RGPD3: variants seen among roughly 807,000 people sequenced by gnomAD.
RGPD3 encodes RANBP2 like and GRIP domain containing 3, also known as ranBP2-like and GRIP domain-containing protein 3.
A neutral mutation model predicts 154.5 loss-of-function variants in RGPD3; 62 were observed. The ratio of observed to expected loss-of-function variants is 0.40; its 90% CI spans 0.33 to 0.50. The LOEUF (loss-of-function observed/expected upper bound fraction) is 0.50. RGPD3 is among the 20% of genes least tolerant of loss of function. The pLI is 0.59. For missense variants in RGPD3, 919 were observed against 1,716.8 expected, an observed-to-expected ratio of 0.54 and a Z score of 8.21; for synonymous variants, 308 against 607.0, an observed-to-expected ratio of 0.51 and a Z score of 7.24.
At chr2:106,434,090 G>A (rs1677460289) in intron 15 of RGPD3, 138 bp downstream of exon 15, 1 of 1,344,480 alleles carries the variant, frequency 7.4e-7, no homozygotes, top group African/African-American at 1.5e-5. Context: ...TAAGCATTTA[G>A]ACACACACAT....
intron 20 of RGPD3, among the ~76,000 whole-genome samples, chr2:106,417,853 G>A (rs1676863433): frequency 6.6e-6 from 1 of 151,024 alleles, no homozygotes; most frequent in African/African-American, 2.5e-5. Context: ...ATCAAGGCCG[G>A]GCGTGGTGGC....
intron 21 of RGPD3, among the ~76,000 whole-genome samples, chr2:106,414,365 T>C (rs1676757877): frequency 6.6e-6 from 1 of 152,208 alleles, no homozygotes; most frequent in African/African-American, 2.4e-5. Flanking sequence ...GGCTCATGCC[T>C]GTAATCCCAA....
At chr2:106,437,987 A>G (rs1677618723) in intron 9 of RGPD3, among the ~76,000 whole-genome samples, 3 of 152,238 alleles carry the variant, frequency 2.0e-5, no homozygotes, top group African/African-American at 4.8e-5. Flanking sequence ...GCTGTAGTGC[A>G]GCAGTGTGAT....
At position 106,438,707 on chromosome 2, in the gene RGPD3, G is replaced by A. The variant is rs1371085739; in HGVS notation, c.1276+261C>T. Among the ~76,000 whole-genome samples the A allele has an allele frequency of 1.5e-4, 22 of 151,518 alleles. No individual in the cohort carries two copies. In the South Asian group the frequency reaches 2.1e-3, roughly 14 times the overall value. On this transcript the variant is annotated intron_variant, in intron 9 of 22. Transcript: ENST00000409886. The stretch of plus-strand genomic sequence containing the variant: ...TGAGGCAGTAGAATTACTTGAACCC[G>A]GGAGGCAGAGGTTACAGTGAGCCGA...
upstream of RGPD3, among the ~76,000 whole-genome samples, chr2:106,469,397 A>G (rs1678753873): frequency 1.3e-5 from 2 of 152,172 alleles, no homozygotes; most frequent in African/African-American, 4.8e-5. Flanking sequence ...AAATCACACA[A>G]AACACTCTGA....
rs1447209891 is a variant in RGPD3, at chr2:106,451,816, T to A, written c.782+389A>T. Among the ~76,000 whole-genome samples the A allele has an allele frequency of 3.9e-5, 6 of 152,134 alleles. No homozygotes were observed. In the East Asian group the frequency reaches 9.6e-4, roughly 24 times the overall value. ...CACCAGTGATGCTAAGTGCTTATAC[T>A]AGTACATGTGAACCTAGCCATCTGA... On this transcript the variant is annotated intron_variant, in intron 6 of 22. Transcript: ENST00000409886.
At chr2:106,418,599 C>T (rs1435244939) in intron 20 of RGPD3, among the ~76,000 whole-genome samples, 2 of 151,764 alleles carry the variant, frequency 1.3e-5, no homozygotes, top group East Asian at 4.0e-4. Context: ...CAGGGTCTCA[C>T]TCTGTCACAC....
rs146830373 is a variant in RGPD3, at chr2:106,413,611, G to T, written c.5065-326C>A. On this transcript the variant is annotated intron_variant, in intron 21 of 22. Coordinates refer to ENST00000409886, the MANE Select transcript of RGPD3 (RefSeq NM_001144013.2). ...ACTCCACTGTCCTAAGCTATTTGGG[G>T]TTGGAAGGAAGAGGGGTGAAGTAGA... Among the ~76,000 whole-genome samples, 38 of 152,356 alleles carry T rather than the reference G, an allele frequency of 2.5e-4. No homozygotes were observed. The East Asian group carries it at 6.2e-3, about 25-fold the overall frequency.
intron 1 of RGPD3, among the ~76,000 whole-genome samples, chr2:106,463,709 A>G (rs1486043318): frequency 3.3e-5 from 5 of 151,738 alleles, no homozygotes; most frequent in African/African-American, 1.2e-4. Context: ...GTCGGTTAGT[A>G]AGGGTATTCC....
intron 22 of RGPD3, among the ~76,000 whole-genome samples, chr2:106,410,185 T>G (rs1435908639): frequency 6.6e-6 from 1 of 152,062 alleles, no homozygotes; most frequent in Non-Finnish European, 1.5e-5. Flanking sequence ...TTACATTCTC[T>G]CTCTTAAAGA....
In RGPD3 at chr2:106,404,942, C is replaced by G; in HGVS notation, c.*277G>C. On this transcript the variant is annotated 3_prime_UTR_variant, in exon 23 of 23. Transcript: ENST00000409886. ...TATTCTGGCAGCATGCATGGGAGAT[C>G]ACATGAGTTAGAGGGCTGTGGCCTG... The G allele has an allele frequency of 1.9e-6, 1 of 515,234 alleles. No homozygotes were observed. The highest frequency in any genetic ancestry group is 3.5e-6 in the Non-Finnish European group (1 of 283,916). 31.9% of individuals were successfully genotyped at this position (515,234 alleles called of 1,614,324 possible).
Position 106,415,835 on chromosome 2 carries a change from G to T in RGPD3, c.5064+15C>A. On this transcript the variant is annotated intron_variant, in intron 21 of 22. Transcript: ENST00000409886. The stretch of plus-strand genomic sequence containing the variant: ...AACTGGCAGTTTTTATGGTGGCCAG[G>T]TTTTCTGATCTCACCTTAATTTGCT... 1 of 1,611,742 alleles carries T rather than the reference G, an allele frequency of 6.2e-7. No individual in the cohort carries two copies. The highest frequency in any genetic ancestry group is 8.5e-7 in the Non-Finnish European group (1 of 1,179,788).
chr2:106,409,736 A>T (rs1288635070), intron 22 of RGPD3, among the ~76,000 whole-genome samples: 8 of 151,186 alleles, frequency 5.3e-5, no homozygotes, highest in Admixed American at 3.3e-4. Context: ...TTCATATATT[A>T]TCTGTGCTGT....
intron 21 of RGPD3, among the ~76,000 whole-genome samples, chr2:106,415,281 A>G (rs1006649128): frequency 5.3e-5 from 8 of 151,546 alleles, no homozygotes; most frequent in African/African-American, 1.7e-4. Context: ...TTATTTAAGC[A>G]TATGTGAACA....
chr2:106,446,569 CA>C (rs550745664), intron 7 of RGPD3, among the ~76,000 whole-genome samples: 143 of 20,544 alleles, frequency 7.0e-3, no homozygotes, highest in African/African-American at 0.015. Context: ...GACTCCATCT[CA>C]AAAAAAAAAA....
intron 17 of RGPD3, among the ~76,000 whole-genome samples, chr2:106,432,100 CTTTGAAGGTCTCAAATT>C (rs1677379398): frequency 6.7e-6 from 1 of 148,616 alleles, no homozygotes; most frequent in African/African-American, 2.5e-5. Flanking sequence ...CAGTTTCTAC[CTTTGAAGGTCTCAAATT>C]TTGTGAAAGA....
chr2:106,414,409 G>C (rs1403954289), intron 21 of RGPD3, among the ~76,000 whole-genome samples: 1 of 152,086 alleles, frequency 6.6e-6, no homozygotes, highest in African/African-American at 2.4e-5. Context: ...AGATCACGAG[G>C]TCAGGAGATT....
chr2:106,433,917 C>T, intron 15 of RGPD3, among the ~76,000 whole-genome samples: 1 of 66,896 alleles, frequency 1.5e-5, no homozygotes, highest in Non-Finnish European at 2.9e-5. Flanking sequence ...AAGAATTAGT[C>T]CTGAGGTTAT....
chr2:106,414,093 A>G (rs1236442222), intron 21 of RGPD3, among the ~76,000 whole-genome samples: 1 of 152,120 alleles, frequency 6.6e-6, no homozygotes, highest in Non-Finnish European at 1.5e-5. Flanking sequence ...ATTCAGGAAT[A>G]TAAGACAATG....
Sources: gnomAD v4.1 joint callset for allele counts (sites outside exome capture counted in the v4.1 genomes callset) on GRCh38, gnomAD v4.1.1 for gene constraint, MANE v1.5 for transcripts, NCBI Gene and HGNC (gene_info 2026-07-23, HGNC 2026-07-21) for gene names.